The following CDH4 variants were observed in gnomAD, a reference collection of about 807,000 sequenced individuals.
CDH4 encodes cadherin-4.
CDH4 carries 33 observed loss-of-function variants against 86.0 expected under a neutral mutation model. The ratio of observed to expected loss-of-function variants is 0.38; its 90% confidence interval spans 0.29 to 0.51. CDH4 has a LOEUF of 0.51. CDH4 is among the 20% of genes least tolerant of loss of function. The pLI, the probability that CDH4 is intolerant of heterozygous loss-of-function variation, is 0.86. For synonymous variants in CDH4, 555 were observed against 549.4 expected, an observed-to-expected ratio of 1.01 and a Z score of -0.14; for missense variants, 1,114 against 1,307.4, an observed-to-expected ratio of 0.85 and a Z score of 2.28.
At chr20:61,265,543 A>G (rs2084154081) in intron 2 of CDH4, among the ~76,000 whole-genome samples, 1 of 151,626 alleles carries the variant, frequency 6.6e-6, no homozygotes, top group African/African-American at 2.4e-5. Context: ...TCTTACACGG[A>G]CCTCAGTGGC....
intron 2 of CDH4, among the ~76,000 whole-genome samples, chr20:61,284,168 G>A (rs900684837): frequency 2.2e-4 from 33 of 150,218 alleles, no homozygotes; most frequent in African/African-American, 8.1e-4. Flanking sequence ...AAAAAAAACT[G>A]GCCTGGCATA....
chr20:61,641,596 T>C, intron 2 of CDH4, among the ~76,000 whole-genome samples: 1 of 152,132 alleles, frequency 6.6e-6, no homozygotes. Flanking sequence ...CCACCACACC[T>C]ACAGCTTTGG....
intron 2 of CDH4, among the ~76,000 whole-genome samples, chr20:61,391,509 C>T (rs1406270519): frequency 1.3e-5 from 2 of 151,510 alleles, no homozygotes; most frequent in Admixed American, 6.6e-5. Context: ...CCACTCTGCA[C>T]GTGTGGCGTA....
chr20:61,456,854 A>C (rs140960975), intron 2 of CDH4, among the ~76,000 whole-genome samples: 251 of 152,338 alleles, frequency 1.6e-3, no homozygotes, highest in African/African-American at 5.7e-3. Context: ...AATGCAGCAA[A>C]GCTTCTGAGA....
intron 1 of CDH4, 86 bp from the exon 2 acceptor site, chr20:61,254,740 T>A: frequency 2.2e-6 from 2 of 902,206 alleles, no homozygotes; most frequent in Non-Finnish European, 3.7e-6. Flanking sequence ...GCCAGAGACC[T>A]TTTACACAGC....
chr20:61,716,384 G>A (rs2087954562), intron 2 of CDH4, among the ~76,000 whole-genome samples: 2 of 152,234 alleles, frequency 1.3e-5, no homozygotes, highest in African/African-American at 4.8e-5. Flanking sequence ...CTCTTGGCTG[G>A]AGCTGTAAAG....
intron 4 of CDH4, among the ~76,000 whole-genome samples, chr20:61,802,894 G>C (rs1208274224): frequency 1.3e-5 from 2 of 152,242 alleles, no homozygotes; most frequent in Non-Finnish European, 2.9e-5. Context: ...GCCTTTTGCG[G>C]GATAGTCGCA....
chr20:61,868,963 C>T lies in CDH4; in HGVS notation c.878-4765C>T, dbSNP rs193053875. Among the ~76,000 whole-genome samples, 71 of 152,178 alleles carry T rather than the reference C, an allele frequency of 4.7e-4. 1 individual carries two copies. In the East Asian group the frequency reaches 0.012, roughly 25 times the overall value. The stretch of plus-strand genomic sequence containing the variant: ...GGTGGACACACACAAAGCCTCTAGA[C>T]GTGGCAAACGTGGCAGGCTGTGGTG... On this transcript the variant is annotated intron_variant, in intron 6 of 15. Transcript: ENST00000614565.
intron 2 of CDH4, among the ~76,000 whole-genome samples, chr20:61,311,767 C>T (rs1422651566): frequency 6.6e-6 from 1 of 152,208 alleles, no homozygotes; most frequent in Non-Finnish European, 1.5e-5. Flanking sequence ...AATGGTTTTG[C>T]GGTTTTACTC....
chr20:61,275,604 AGAGTACCATGCGCAGTTTGGGG>A (rs1568777874), intron 2 of CDH4, among the ~76,000 whole-genome samples: 6 of 48,724 alleles, frequency 1.2e-4, no homozygotes, highest in African/African-American at 3.3e-4. Context: ...GCAGTTTGGG[AGAGTACCATGCGCAGTTTGGGG>A]GAGTACCATG....
At chr20:61,866,017 G>A (rs375573413) in intron 6 of CDH4, among the ~76,000 whole-genome samples, 11 of 152,088 alleles carry the variant, frequency 7.2e-5, no homozygotes, top group Non-Finnish European at 1.3e-4. Flanking sequence ...GGGATCATAC[G>A]GTACCCTGTC....
intron 5 of CDH4, among the ~76,000 whole-genome samples, chr20:61,851,246 C>T (rs1000886595): frequency 1.3e-5 from 2 of 152,256 alleles, no homozygotes; most frequent in African/African-American, 2.4e-5. Flanking sequence ...GCTAGCTTGT[C>T]TCCTTACTAC....
chr20:61,472,382 AG>A (rs2085509734), intron 2 of CDH4, among the ~76,000 whole-genome samples: 1 of 152,160 alleles, frequency 6.6e-6, no homozygotes, highest in South Asian at 2.1e-4. Flanking sequence ...ATTATTGACA[AG>A]TAAAGACTTA....
intron 2 of CDH4, among the ~76,000 whole-genome samples, chr20:61,545,163 A>G (rs946287573): frequency 1.5e-4 from 23 of 152,348 alleles, no homozygotes; most frequent in African/African-American, 5.5e-4. Context: ...TCTGCCACGC[A>G]GCATCGGGAC....
intron 2 of CDH4, among the ~76,000 whole-genome samples, chr20:61,306,098 A>C (rs558338600): frequency 4.0e-4 from 61 of 152,292 alleles, no homozygotes; most frequent in African/African-American, 1.4e-3. Context: ...CGCTCTTGAA[A>C]ACTTTGAAGG....
intron 2 of CDH4, among the ~76,000 whole-genome samples, chr20:61,420,488 G>C (rs1600961589): frequency 6.6e-6 from 1 of 152,244 alleles, no homozygotes. Context: ...TATTGACTGT[G>C]ACTTTGTCGC....
At chr20:61,564,980 C>T (rs2086253252) in intron 2 of CDH4, among the ~76,000 whole-genome samples, 1 of 149,968 alleles carries the variant, frequency 6.7e-6, no homozygotes, top group African/African-American at 2.5e-5. Flanking sequence ...AAAAATATCA[C>T]AGGAAAGCAG....
At chr20:61,855,002 T>C (rs1299537106) in intron 6 of CDH4, among the ~76,000 whole-genome samples, 21 of 77,752 alleles carry the variant, frequency 2.7e-4, no homozygotes, top group African/African-American at 4.7e-4. Context: ...GGGTGAATTG[T>C]GCCCTTGGCC....
chr20:61,570,920 C>T (rs1568691541), intron 2 of CDH4, among the ~76,000 whole-genome samples: 1 of 152,148 alleles, frequency 6.6e-6, no homozygotes, highest in South Asian at 2.1e-4. Flanking sequence ...AGTATGGAGG[C>T]GCTTAAGTAG....
Sources: gnomAD v4.1 joint callset for allele counts (sites outside exome capture counted in the v4.1 genomes callset) on GRCh38, gnomAD v4.1.1 for gene constraint, MANE v1.5 for transcripts, NCBI Gene and HGNC (gene_info 2026-07-23, HGNC 2026-07-21) for gene names.